The following TAF3 variants were observed in gnomAD, a reference collection of about 807,000 sequenced individuals.
TAF3 encodes TATA-box binding protein associated factor 3.
A neutral mutation model predicts 80.6 loss-of-function variants in TAF3; 7 were observed. That is an observed-to-expected ratio of 0.09 (90% CI 0.05 to 0.16). The LOEUF (loss-of-function observed/expected upper bound fraction) is 0.16. TAF3 is among the 10% of genes least tolerant of loss of function. TAF3 has a pLI of 1.00. For synonymous variants in TAF3, 444 were observed against 446.1 expected, an observed-to-expected ratio of 1.00 and a Z score of 0.06; for missense variants, 921 against 1,140.2, an observed-to-expected ratio of 0.81 and a Z score of 2.77.
chr10:7,899,384 T>C (rs1373149117), intron 2 of TAF3, among the ~76,000 whole-genome samples: 2 of 152,206 alleles, frequency 1.3e-5, no homozygotes, highest in African/African-American at 2.4e-5. Flanking sequence ...GCAAGTCCCA[T>C]GTCCATCTTC....
At chr10:7,856,144 C>T (rs190160067) in intron 2 of TAF3, among the ~76,000 whole-genome samples, 2 of 151,952 alleles carry the variant, frequency 1.3e-5, no homozygotes, top group Admixed American at 1.3e-4. Flanking sequence ...AAAATGCAGT[C>T]GAGAACTAGA....
chr10:7,909,917 C>T (rs406846), intron 2 of TAF3, among the ~76,000 whole-genome samples: 136,157 of 152,180 alleles, frequency 0.89, 61,052 homozygotes, highest in East Asian at 0.99. Flanking sequence ...AGCTCCACGA[C>T]TGCTCAGGTC....
At chr10:8,014,509 T>C (rs1832085027) in intron 6 of TAF3, 128 bp from the exon 7 acceptor site, 3 of 725,944 alleles carry the variant, frequency 4.1e-6, no homozygotes, top group African/African-American at 3.6e-5. Flanking sequence ...TACACACAAG[T>C]TAGTGCTGCT....
intron 4 of TAF3, among the ~76,000 whole-genome samples, chr10:7,983,875 T>TTA: frequency 6.6e-6 from 1 of 152,222 alleles, no homozygotes; most frequent in African/African-American, 2.4e-5. Flanking sequence ...AATAAATTTT[T>TTA]AAAAAGCAAA....
chr10:7,829,467 A>T (rs2131102905), intron 2 of TAF3, among the ~76,000 whole-genome samples: 1 of 152,214 alleles, frequency 6.6e-6, no homozygotes, highest in East Asian at 1.9e-4. Context: ...ACAGTTTTTC[A>T]GACTTTTCTT....
intron 2 of TAF3, among the ~76,000 whole-genome samples, chr10:7,860,168 AGGCTGAAGTGGGAG>A (rs1837129646): frequency 6.6e-6 from 1 of 151,800 alleles, no homozygotes; most frequent in Non-Finnish European, 1.5e-5. Flanking sequence ...GCTGCTTGGG[AGGCTGAAGTGGGAG>A]GATTGCTGAA....
intron 2 of TAF3, among the ~76,000 whole-genome samples, chr10:7,850,296 G>A (rs969768936): frequency 3.3e-5 from 5 of 152,150 alleles, no homozygotes; most frequent in Non-Finnish European, 7.3e-5. Flanking sequence ...ATACTGCGAC[G>A]GATAGGACAA....
intron 2 of TAF3, among the ~76,000 whole-genome samples, chr10:7,898,345 GAC>G (rs1164592199): frequency 1.3e-5 from 2 of 151,916 alleles, no homozygotes; most frequent in East Asian, 3.9e-4. Flanking sequence ...TCAGGAGTTC[GAC>G]ACCAGCCTGG....
chr10:7,869,315 C>T (rs1837244164), intron 2 of TAF3, among the ~76,000 whole-genome samples: 1 of 151,670 alleles, frequency 6.6e-6, no homozygotes, highest in African/African-American at 2.4e-5. Flanking sequence ...TAGAGACGCA[C>T]ACACACATAC....
intron 2 of TAF3, among the ~76,000 whole-genome samples, chr10:7,887,469 T>C (rs1837419430): frequency 6.6e-6 from 1 of 152,194 alleles, no homozygotes; most frequent in Non-Finnish European, 1.5e-5. Flanking sequence ...GATGTAGCTC[T>C]TCTCTCTTTT....
chr10:7,872,772 A>G (rs1370380619), intron 2 of TAF3, among the ~76,000 whole-genome samples: 1 of 152,234 alleles, frequency 6.6e-6, no homozygotes, highest in Non-Finnish European at 1.5e-5. Flanking sequence ...TACAATTTTG[A>G]TACAGATATC....
intron 2 of TAF3, among the ~76,000 whole-genome samples, chr10:7,895,837 G>A (rs1179911938): frequency 6.6e-6 from 1 of 152,170 alleles, no homozygotes; most frequent in East Asian, 1.9e-4. Flanking sequence ...CAGTTTTTCT[G>A]GCGTTCAGTA....
intron 2 of TAF3, among the ~76,000 whole-genome samples, chr10:7,827,648 C>T (rs1588513997): frequency 6.6e-6 from 1 of 151,660 alleles, no homozygotes; most frequent in African/African-American, 2.4e-5. Context: ...GGCGTGGTGG[C>T]GGGTGCCTGT....
In TAF3 at chr10:7,906,690, A is replaced by G. The variant is rs760482296; in HGVS notation, c.410-57230A>G. 2.0e-5 allele frequency among the ~76,000 whole-genome samples: 3 copies of G among 151,890 alleles called. No individual in the cohort carries two copies. In the South Asian group the frequency reaches 6.2e-4, roughly 32 times the overall value. On this transcript the variant is annotated intron_variant, in intron 2 of 6. Coordinates refer to ENST00000344293, the MANE Select transcript of TAF3 (RefSeq NM_031923.4). Reference sequence around the variant, plus strand: ...TCCTACAAAAGTAATGAAGGAACCAAACGAATTAAATAGAGCGCAAGCAGC... The same window carrying G: ...TCCTACAAAAGTAATGAAGGAACCAGACGAATTAAATAGAGCGCAAGCAGC...
At chr10:7,969,907 T>G (rs1655759743) in intron 3 of TAF3, among the ~76,000 whole-genome samples, 1 of 152,150 alleles carries the variant, frequency 6.6e-6, no homozygotes. Flanking sequence ...CCTTCCTCCG[T>G]CTCCTTCCTC....
chr10:7,953,631 G>A (rs1303659096), intron 2 of TAF3, among the ~76,000 whole-genome samples: 1 of 152,198 alleles, frequency 6.6e-6, no homozygotes, highest in Non-Finnish European at 1.5e-5. Flanking sequence ...GTGGCTCCGT[G>A]TGTACCTTGT....
intron 2 of TAF3, among the ~76,000 whole-genome samples, chr10:7,926,263 A>C (rs776022138): frequency 6.6e-6 from 1 of 152,128 alleles, no homozygotes. Context: ...TAATATATCA[A>C]ACTTTTTTTT....
chr10:7,859,824 T>C (rs1837126063), intron 2 of TAF3, among the ~76,000 whole-genome samples: 1 of 152,240 alleles, frequency 6.6e-6, no homozygotes, highest in Non-Finnish European at 1.5e-5. Context: ...CAGTGCCTAG[T>C]AGGCACTTAG....
At chr10:7,976,499 C>T (rs1831674231) in intron 3 of TAF3, among the ~76,000 whole-genome samples, 1 of 151,450 alleles carries the variant, frequency 6.6e-6, no homozygotes, top group African/African-American at 2.4e-5. Context: ...ACTGTAAGCT[C>T]CGCCTCCCGG....
Sources: gnomAD v4.1 joint callset for allele counts (sites outside exome capture counted in the v4.1 genomes callset) on GRCh38, gnomAD v4.1.1 for gene constraint, MANE v1.5 for transcripts, NCBI Gene and HGNC (gene_info 2026-07-23, HGNC 2026-07-21) for gene names.